EGFR: variants seen among roughly 807,000 people sequenced by gnomAD.
EGFR encodes the protein epidermal growth factor receptor.
In EGFR, 58 loss-of-function variants were observed where a neutral mutation model predicts 143.0. The observed-to-expected ratio is 0.41, with a 90% CI of 0.33 to 0.50. The LOEUF (loss-of-function observed/expected upper bound fraction) is 0.50, where lower values mean the gene tolerates loss of function less well. Among genes scored for constraint, EGFR ranks in the 20% least tolerant of loss-of-function variants. The probability of loss-of-function intolerance (pLI) is 0.39; values close to 1 mark genes in which losing one functional copy is unlikely to be tolerated. For missense variants in EGFR, 1,307 were observed against 1,579.0 expected, an observed-to-expected ratio of 0.83 and a Z score of 2.92; for synonymous variants, 613 against 594.4, an observed-to-expected ratio of 1.03 and a Z score of -0.45.
chr7:55,099,263 A>G (rs1442802679), intron 1 of EGFR, among the ~76,000 whole-genome samples: 2 of 152,198 alleles, frequency 1.3e-5, no homozygotes, highest in Non-Finnish European at 2.9e-5. Context: ...AATTACACAG[A>G]AGTTTCAGAT....
At chr7:55,031,395 A>G (rs959811469) in intron 1 of EGFR, among the ~76,000 whole-genome samples, 5 of 152,348 alleles carry the variant, frequency 3.3e-5, no homozygotes, top group Middle Eastern at 3.4e-3. Context: ...CAGAACAGAA[A>G]GTTCAGCAAT....
At chr7:55,075,208 AT>A (rs1425831665) in intron 1 of EGFR, among the ~76,000 whole-genome samples, 3 of 150,740 alleles carry the variant, frequency 2.0e-5, no homozygotes, top group African/African-American at 7.3e-5. Context: ...AAAAAAAAAA[AT>A]GTTTCAAAGA....
At chr7:55,111,274 G>T (rs1254852946) in intron 1 of EGFR, among the ~76,000 whole-genome samples, 2 of 152,094 alleles carry the variant, frequency 1.3e-5, no homozygotes, top group African/African-American at 4.8e-5. Context: ...GTGGTTTAGG[G>T]CTCAATCAGC....
chr7:55,171,953 C>T (rs1397190965), intron 16 of EGFR, among the ~76,000 whole-genome samples: 7 of 152,290 alleles, frequency 4.6e-5, no homozygotes, highest in Admixed American at 1.3e-4. Flanking sequence ...CATGCTCCTC[C>T]GCCCCCGAGT....
At chr7:55,080,394 G>C (rs937303435) in intron 1 of EGFR, among the ~76,000 whole-genome samples, 14 of 151,496 alleles carry the variant, frequency 9.2e-5, no homozygotes, top group Non-Finnish European at 1.3e-4. Context: ...AGGAAATCCT[G>C]TCATTTGCAT....
chr7:55,131,077 C>T (rs903016252), intron 1 of EGFR, among the ~76,000 whole-genome samples: 1 of 152,164 alleles, frequency 6.6e-6, no homozygotes, highest in African/African-American at 2.4e-5. Context: ...CTCTCACTTC[C>T]CTCCCAGGAG....
At chr7:55,071,693 AT>A (rs1157535839) in intron 1 of EGFR, among the ~76,000 whole-genome samples, 1 of 152,186 alleles carries the variant, frequency 6.6e-6, no homozygotes, top group East Asian at 1.9e-4. Context: ...AAAAAAAGAT[AT>A]TTTTCTGCTT....
At position 55,170,357 on chromosome 7, in the gene EGFR, C is replaced by T. The variant is rs777733466; in HGVS notation, c.1881-818C>T. ...ATGTTATTCTGCCTTTTTAAACTAT[C>T]ATCCTGTAATCAAAGTAATGATGGC... On this transcript the variant is annotated intron_variant, in intron 15 of 27. Coordinates refer to ENST00000275493, the MANE Select transcript of EGFR (RefSeq NM_005228.5). 6.8e-6 allele frequency: 11 copies of T among 1,614,070 alleles called. No homozygotes were observed. In the Admixed American group the frequency reaches 1.0e-4, roughly 15 times the overall value.
intron 1 of EGFR, among the ~76,000 whole-genome samples, chr7:55,131,318 A>G (rs1351931507): frequency 4.7e-5 from 7 of 150,056 alleles, no homozygotes; most frequent in Admixed American, 3.3e-4. Context: ...CAAACACTTT[A>G]TGACATGAAC....
At chr7:55,129,946 C>T (rs1293382862) in intron 1 of EGFR, among the ~76,000 whole-genome samples, 2 of 152,216 alleles carry the variant, frequency 1.3e-5, no homozygotes, top group Non-Finnish European at 1.5e-5. Flanking sequence ...TAGCCTGCCA[C>T]CTGTTTTTGC....
rs1259771895 is a variant in EGFR, at chr7:55,210,417, G to T, written c.*4800G>T. ...GACATCACCTGAGGAGCTTTTAAAA[G>T]CTTGAAGCCCAGCTACACCTCAGAC... On this transcript the variant is annotated 3_prime_UTR_variant, in exon 28 of 28. Coordinates refer to ENST00000275493, the MANE Select transcript of EGFR (RefSeq NM_005228.5). 6.6e-6 allele frequency: 1 copy of T among 152,140 alleles called. No individual in the cohort carries two copies. The highest frequency in any genetic ancestry group is 1.5e-5 in the Non-Finnish European group (1 of 68,040). 9.4% of individuals were successfully genotyped at this position (152,140 alleles called of 1,614,324 possible).
intron 23 of EGFR, 60 bp from the exon 24 acceptor site, chr7:55,200,256 C>A (rs981260879): frequency 1.3e-6 from 2 of 1,482,264 alleles, no homozygotes; most frequent in Non-Finnish European, 1.9e-6. Flanking sequence ...TTAAGCAATG[C>A]CATCTTTATC....
intron 1 of EGFR, among the ~76,000 whole-genome samples, chr7:55,102,906 G>T (rs1562716033): frequency 6.6e-6 from 1 of 152,232 alleles, no homozygotes; most frequent in African/African-American, 2.4e-5. Flanking sequence ...AAATCTTGCA[G>T]ATTCTGCAGT....
intron 1 of EGFR, among the ~76,000 whole-genome samples, chr7:55,127,295 C>A (rs1793584432): frequency 6.6e-6 from 1 of 152,110 alleles, no homozygotes; most frequent in African/African-American, 2.4e-5. Context: ...AGTCCAACCT[C>A]CCCCAAACCA....
intron 1 of EGFR, among the ~76,000 whole-genome samples, chr7:55,093,477 C>T (rs571436148): frequency 1.3e-5 from 2 of 152,152 alleles, no homozygotes; most frequent in Non-Finnish European, 2.9e-5. Flanking sequence ...GAATTCATGC[C>T]CTCCCTCCCC....
chr7:55,043,679 C>T (rs965425365), intron 1 of EGFR, among the ~76,000 whole-genome samples: 1 of 152,108 alleles, frequency 6.6e-6, no homozygotes, highest in African/African-American at 2.4e-5. Flanking sequence ...TTCTTTAATG[C>T]ATAGGACAGC....
intron 20 of EGFR, among the ~76,000 whole-genome samples, chr7:55,185,974 C>T (rs1348034406): frequency 6.6e-6 from 1 of 152,142 alleles, no homozygotes; most frequent in African/African-American, 2.4e-5. Context: ...GACAAGAAGC[C>T]CCAGTGCCTG....
Position 55,152,606 on chromosome 7 carries a change from A to C in EGFR, c.689A>C (p.Asp230Ala), listed in dbSNP as rs1203062307. Residue 230 changes from aspartate to alanine, a missense_variant, in exon 6 of 28, where the codon GAC becomes GCC. Asp to Ala is a moderately radical substitution (Grantham distance 126). This residue lies in a region of EGFR where 311 missense variants were observed against 412.3 expected (regional missense o/e 0.75). Transcript: ENST00000275493. ...SGRCRGKSPSDCCHNQCAAGC... is the reference protein window; with the variant it reads ...SGRCRGKSPSACCHNQCAAGC... Reference sequence around the variant, plus strand: ...CGCTGCCGTGGCAAGTCCCCCAGTGACTGCTGCCACAACCAGTGTGCTGCA... The same window carrying C: ...CGCTGCCGTGGCAAGTCCCCCAGTGCCTGCTGCCACAACCAGTGTGCTGCA... 1 of 1,613,718 alleles carries C rather than the reference A, an allele frequency of 6.2e-7. No individual in the cohort carries two copies. Among genetic ancestry groups the C allele is most frequent in the Non-Finnish European group, 8.5e-7 (1 of 1,179,992 alleles).
At chr7:55,080,933 A>T (rs2128889757) in intron 1 of EGFR, among the ~76,000 whole-genome samples, 1 of 152,302 alleles carries the variant, frequency 6.6e-6, no homozygotes, top group East Asian at 1.9e-4. Flanking sequence ...ATCTAGTGAC[A>T]CTAGCCATTT....
Sources: allele counts gnomAD v4.1 joint callset (sites outside exome capture counted in the v4.1 genomes callset), GRCh38; gene constraint gnomAD v4.1.1; regional missense constraint gnomAD v4.1.1; transcripts MANE v1.5; gene names NCBI Gene and HGNC (gene_info 2026-07-23, HGNC 2026-07-21).